Variants in RERE observed in about 807,000 individuals in gnomAD.
The protein encoded by RERE is arginine-glutamic acid dipeptide repeats protein.
A neutral mutation model predicts 146.1 loss-of-function variants in RERE; 40 were observed. The ratio of observed to expected loss-of-function variants is 0.27; its 90% CI spans 0.21 to 0.36. The LOEUF (loss-of-function observed/expected upper bound fraction) is 0.36. Among genes scored for constraint, RERE ranks in the 10% least tolerant of loss-of-function variants. RERE has a pLI of 1.00. For missense variants in RERE, 1,933 were observed against 2,138.7 expected, an observed-to-expected ratio of 0.90 and a Z score of 1.90; for synonymous variants, 1,003 against 866.0, an observed-to-expected ratio of 1.16 and a Z score of -2.78.
chr1:8,495,295 G>T, intron 9 of RERE, 133 bp from the exon 10 acceptor site: 1 of 594,492 alleles, frequency 1.7e-6, no homozygotes, highest in Non-Finnish European at 3.0e-6. Context: ...CCAGTTCCCA[G>T]CTCTGCCTCT....
chr1:8,561,438 T>A lies in RERE; in HGVS notation c.523-3915A>T, dbSNP rs541330758. 5.9e-5 allele frequency among the ~76,000 whole-genome samples: 9 copies of A among 152,328 alleles called. No homozygotes were observed. The South Asian group carries it at 1.9e-3, about 32-fold the overall frequency. ...GTGTGTGGTTTCAGCAGTACTAGAT[T>A]ACAATTAGGTAATCTAGGATTACAG... On this transcript the variant is annotated intron_variant, in intron 4 of 22. Coordinates refer to ENST00000400908, the MANE Select transcript of RERE (RefSeq NM_001042681.2).
intron 1 of RERE, among the ~76,000 whole-genome samples, chr1:8,733,175 AAGAG>A (rs980433502): frequency 9.2e-5 from 14 of 151,692 alleles, no homozygotes; most frequent in South Asian, 4.2e-4. Context: ...TTTAAAAAAA[AAGAG>A]AGAGAGAGAG....
At chr1:8,585,138 C>A (rs543942649) in intron 4 of RERE, among the ~76,000 whole-genome samples, 10 of 114,138 alleles carry the variant, frequency 8.8e-5, no homozygotes, top group Non-Finnish European at 5.4e-5. Flanking sequence ...CGGAGCAAGA[C>A]TCCATCTCAA....
chr1:8,359,466 A>C (rs1641459218), intron 19 of RERE, among the ~76,000 whole-genome samples: 1 of 152,176 alleles, frequency 6.6e-6, no homozygotes, highest in East Asian at 1.9e-4. Context: ...ATTACTTAGA[A>C]GTTATGAACC....
chr1:8,777,031 C>T (rs1641077780), intron 1 of RERE, among the ~76,000 whole-genome samples: 1 of 152,182 alleles, frequency 6.6e-6, no homozygotes, highest in African/African-American at 2.4e-5. Flanking sequence ...GCCACCACAC[C>T]AGACCTAAAT....
At chr1:8,722,227 T>TC (rs1348582889) in intron 1 of RERE, among the ~76,000 whole-genome samples, 1 of 152,236 alleles carries the variant, frequency 6.6e-6, no homozygotes, top group Non-Finnish European at 1.5e-5. Flanking sequence ...GCACAGGTCT[T>TC]CCTGCCTCAA....
chr1:8,805,747 A>C (rs1641678350), intron 1 of RERE: 1 of 151,574 alleles, frequency 6.6e-6, no homozygotes, highest in Non-Finnish European at 1.5e-5. Context: ...GAATTGCTCG[A>C]ATCTGGGAGG....
At chr1:8,408,591 C>T (rs1643521042) in intron 12 of RERE, among the ~76,000 whole-genome samples, 2 of 152,014 alleles carry the variant, frequency 1.3e-5, no homozygotes, top group African/African-American at 4.8e-5. Context: ...GGTTTCTGAA[C>T]CACAGAGAAA....
At chr1:8,359,691 G>C (rs746703215) in intron 19 of RERE, 73 bp downstream of exon 19, 115 of 1,514,824 alleles carry the variant, frequency 7.6e-5, no homozygotes, top group Non-Finnish European at 9.2e-5. Context: ...GGCAGAGCTC[G>C]GTGGCCCAGC....
intron 2 of RERE, among the ~76,000 whole-genome samples, chr1:8,645,919 T>G (rs1478134882): frequency 2.6e-5 from 4 of 152,186 alleles, no homozygotes; most frequent in Non-Finnish European, 4.4e-5. Context: ...AAATAAAATT[T>G]CAAAAGAAAC....
chr1:8,717,053 T>G (rs1482708195), intron 1 of RERE, among the ~76,000 whole-genome samples: 1 of 152,228 alleles, frequency 6.6e-6, no homozygotes, highest in Non-Finnish European at 1.5e-5. Context: ...AATTTTAGTA[T>G]GTATAAATGA....
Position 8,356,337 on chromosome 1 carries a change from A to T in RERE, c.4340-91T>A. The T allele has an allele frequency of 1.5e-6, 2 of 1,344,150 alleles. No homozygotes were observed. The highest frequency in any genetic ancestry group is 3.5e-5 in the South Asian group (2 of 56,874). 83.3% of individuals were successfully genotyped at this position (1,344,150 alleles called of 1,614,324 possible). ...TGGAATGACCGATGACTTCCTCCTCACCCAGGATGGCTCCTGGTCACCAGG... is the reference window on the plus strand; with the variant it reads ...TGGAATGACCGATGACTTCCTCCTCTCCCAGGATGGCTCCTGGTCACCAGG... On this transcript the variant is annotated intron_variant, in intron 20 of 22. Coordinates refer to ENST00000400908, the MANE Select transcript of RERE (RefSeq NM_001042681.2). The surrounding 1 kb of genome is among the most constrained non-coding windows in gnomAD (Gnocchi z 5.2).
At position 8,575,561 on chromosome 1, in the gene RERE, A is replaced by ATT. The variant is rs57463625; in HGVS notation, c.523-18040_523-18039dup. Among the ~76,000 whole-genome samples, 277 of 98,636 alleles carry ATT rather than the reference A, an allele frequency of 2.8e-3. 3 individuals are homozygous for ATT. The highest frequency in any genetic ancestry group is 4.9e-3 in the African/African-American group (106 of 21,590). The allele number at this position is 98,636 out of a possible 152,430, so 64.7% of individuals were successfully genotyped here. ...TATATATATATATATATATATATAT[A>ATT]TTTTTTTTTTTTTTGGCAGAGACAG... On this transcript the variant is annotated intron_variant, in intron 4 of 22. Coordinates refer to ENST00000400908, the MANE Select transcript of RERE (RefSeq NM_001042681.2).
chr1:8,706,731 C>T (rs1444340854), intron 1 of RERE, among the ~76,000 whole-genome samples: 3 of 152,136 alleles, frequency 2.0e-5, no homozygotes, highest in Admixed American at 1.3e-4. Flanking sequence ...AAGTAACAGA[C>T]CTGACATGGA....
intron 4 of RERE, among the ~76,000 whole-genome samples, chr1:8,571,939 T>C (rs1256627046): frequency 2.6e-5 from 4 of 152,196 alleles, no homozygotes; most frequent in African/African-American, 9.6e-5. Context: ...GGAGCCACAA[T>C]TCATTTTAAA....
At position 8,506,459 on chromosome 1, in the gene RERE, G is replaced by C. The variant is rs1029380649; in HGVS notation, c.879+2168C>G. 8.5e-5 allele frequency among the ~76,000 whole-genome samples: 13 copies of C among 152,294 alleles called. No individual in the cohort carries two copies. The South Asian group carries it at 1.4e-3, about 17-fold the overall frequency. On this transcript the variant is annotated intron_variant, in intron 8 of 22. Transcript: ENST00000400908. Reference sequence around the variant, plus strand: ...GTTCTTTCATTACAGAGTTAAAATAGGTTATTTAAAAATGTAAATGACACA... The same window carrying C: ...GTTCTTTCATTACAGAGTTAAAATACGTTATTTAAAAATGTAAATGACACA...
chr1:8,572,480 A>T (rs1646233028), intron 4 of RERE, among the ~76,000 whole-genome samples: 1 of 152,234 alleles, frequency 6.6e-6, no homozygotes, highest in Admixed American at 6.5e-5. Flanking sequence ...GCTAGATAAA[A>T]CTTCTGGGCT....
intron 4 of RERE, among the ~76,000 whole-genome samples, chr1:8,573,451 C>T (rs1646248582): frequency 6.6e-6 from 1 of 152,198 alleles, no homozygotes; most frequent in South Asian, 2.1e-4. Context: ...CAGCATTACA[C>T]TTACATGATC....
intron 1 of RERE, among the ~76,000 whole-genome samples, chr1:8,805,046 T>C (rs1641663094): frequency 6.8e-6 from 1 of 146,202 alleles, no homozygotes; most frequent in South Asian, 2.2e-4. Flanking sequence ...AGTCTTGCTC[T>C]GTCACCCAGG....
Sources: allele counts gnomAD v4.1 joint callset (sites outside exome capture counted in the v4.1 genomes callset), GRCh38; gene constraint gnomAD v4.1.1; non-coding constraint Gnocchi (gnomAD v3.1); transcripts MANE v1.5; gene names NCBI Gene and HGNC (gene_info 2026-07-23, HGNC 2026-07-21).